The following CTNND2 variants were observed in gnomAD, a reference collection of about 807,000 sequenced individuals.
CTNND2 encodes the protein catenin delta 2, also known as catenin delta-2.
CTNND2 carries 22 observed loss-of-function variants against 144.4 expected under a neutral mutation model. That is an observed-to-expected ratio of 0.15 (90% CI 0.11 to 0.22). The LOEUF (loss-of-function observed/expected upper bound fraction) is 0.22, where lower values mean the gene tolerates loss of function less well. Ranked by LOEUF, CTNND2 falls within the 10% of genes least tolerant of loss-of-function variation. The pLI is 1.00. For synonymous variants in CTNND2, 751 were observed against 695.6 expected, an observed-to-expected ratio of 1.08 and a Z score of -1.25; for missense variants, 1,353 against 1,618.8, an observed-to-expected ratio of 0.84 and a Z score of 2.82.
intron 3 of CTNND2, among the ~76,000 whole-genome samples, chr5:11,437,631 G>A (rs1387518904): frequency 6.6e-6 from 1 of 152,072 alleles, no homozygotes; most frequent in East Asian, 1.9e-4. Context: ...GGGGTTGAAG[G>A]CAGACATGAG....
chr5:11,288,916 G>C (rs1748025181), intron 9 of CTNND2, among the ~76,000 whole-genome samples: 2 of 152,078 alleles, frequency 1.3e-5, no homozygotes, highest in Non-Finnish European at 2.9e-5. Context: ...CTTTAGGGGT[G>C]CCAAGGATGT....
chr5:11,731,776 G>T (rs1407374922), intron 2 of CTNND2, among the ~76,000 whole-genome samples: 2 of 151,832 alleles, frequency 1.3e-5, no homozygotes, highest in Non-Finnish European at 2.9e-5. Flanking sequence ...TAACCTCCCG[G>T]ATATATTTTA....
intron 16 of CTNND2, among the ~76,000 whole-genome samples, chr5:11,036,394 C>A (rs1396606225): frequency 6.6e-6 from 1 of 152,082 alleles, no homozygotes; most frequent in Non-Finnish European, 1.5e-5. Flanking sequence ...TTGCCTTCCA[C>A]AAATCTGCAC....
chr5:11,600,786 C>T (rs947474152), intron 2 of CTNND2, among the ~76,000 whole-genome samples: 3 of 149,860 alleles, frequency 2.0e-5, no homozygotes, highest in Non-Finnish European at 2.9e-5. Flanking sequence ...TCCCAGACAA[C>T]GATGTTAGTA....
chr5:11,830,706 C>T (rs577997392), intron 1 of CTNND2, among the ~76,000 whole-genome samples: 42 of 152,156 alleles, frequency 2.8e-4, no homozygotes, highest in Non-Finnish European at 5.4e-4. Context: ...CATTGAGAGG[C>T]GAGAGGAAGC....
chr5:11,820,196 G>A (rs1410527290), intron 1 of CTNND2, among the ~76,000 whole-genome samples: 1 of 152,186 alleles, frequency 6.6e-6, no homozygotes, highest in Non-Finnish European at 1.5e-5. Flanking sequence ...GTCTATGGGA[G>A]GCAAAAGAAT....
intron 2 of CTNND2, among the ~76,000 whole-genome samples, chr5:11,661,698 T>C (rs1417945152): frequency 6.6e-6 from 1 of 152,186 alleles, no homozygotes; most frequent in African/African-American, 2.4e-5. Flanking sequence ...GAAAAAGAAA[T>C]AAGCAATCAT....
rs915625361 is a variant in CTNND2, at chr5:11,461,196, A to C, written c.288-49127T>G. Reference sequence around the variant, plus strand: ...TAAACTGGTGAATCTTGAGCCTCTAAAAGTTTGTGGAACAAATGCCCTGAA... The same window carrying C: ...TAAACTGGTGAATCTTGAGCCTCTACAAGTTTGTGGAACAAATGCCCTGAA... On this transcript the variant is annotated intron_variant, in intron 3 of 21. Coordinates refer to ENST00000304623, the MANE Select transcript of CTNND2 (RefSeq NM_001332.4). 2.4e-4 allele frequency among the ~76,000 whole-genome samples: 36 copies of C among 152,026 alleles called. 1 individual carries two copies.
intron 9 of CTNND2, among the ~76,000 whole-genome samples, chr5:11,261,810 T>C (rs1399987717): frequency 6.6e-6 from 1 of 152,168 alleles, no homozygotes; most frequent in Non-Finnish European, 1.5e-5. Context: ...TATTTGTGAG[T>C]GAATGGGCCC....
chr5:11,495,412 A>G (rs58055852), intron 3 of CTNND2, among the ~76,000 whole-genome samples: 6 of 152,200 alleles, frequency 3.9e-5, no homozygotes, highest in Non-Finnish European at 7.3e-5. Flanking sequence ...TAACCTAAAA[A>G]CCAAAAACTT....
At chr5:11,510,555 A>G (rs1175010783) in intron 3 of CTNND2, among the ~76,000 whole-genome samples, 1 of 152,246 alleles carries the variant, frequency 6.6e-6, no homozygotes, top group African/African-American at 2.4e-5. Context: ...GACTCTCTAT[A>G]ATTACACATA....
intron 11 of CTNND2, among the ~76,000 whole-genome samples, chr5:11,171,375 T>G (rs1759888096): frequency 6.6e-6 from 1 of 152,196 alleles, no homozygotes; most frequent in Non-Finnish European, 1.5e-5. Context: ...AAGAGATTAT[T>G]TTTCATGGAA....
chr5:11,035,878 G>A (rs1167465338), intron 16 of CTNND2, among the ~76,000 whole-genome samples: 3 of 150,398 alleles, frequency 2.0e-5, no homozygotes, highest in African/African-American at 7.3e-5. Context: ...AATGAAAGGT[G>A]TCACAGTCTT....
intron 3 of CTNND2, among the ~76,000 whole-genome samples, chr5:11,449,973 T>C (rs1395079670): frequency 6.6e-6 from 1 of 152,238 alleles, no homozygotes; most frequent in African/African-American, 2.4e-5. Flanking sequence ...TCTGTTACAG[T>C]TTCATTCCAA....
At chr5:11,328,235 G>C (rs375486492) in intron 9 of CTNND2, among the ~76,000 whole-genome samples, 1 of 150,952 alleles carries the variant, frequency 6.6e-6, no homozygotes, top group South Asian at 2.1e-4. Flanking sequence ...ATTTAGAGCA[G>C]ATAAATGTAT....
intron 2 of CTNND2, among the ~76,000 whole-genome samples, chr5:11,627,009 G>A (rs1198162959): frequency 6.6e-6 from 1 of 152,128 alleles, no homozygotes; most frequent in Non-Finnish European, 1.5e-5. Context: ...GATAGATGAT[G>A]AATAAAATTT....
intron 3 of CTNND2, among the ~76,000 whole-genome samples, chr5:11,479,143 C>T (rs1387464638): frequency 1.3e-5 from 2 of 152,184 alleles, no homozygotes; most frequent in Non-Finnish European, 2.9e-5. Flanking sequence ...TCCTCTACCT[C>T]CTCCAACCCT....
intron 14 of CTNND2, among the ~76,000 whole-genome samples, chr5:11,107,909 G>A (rs1465136669): frequency 6.6e-6 from 1 of 152,160 alleles, no homozygotes; most frequent in African/African-American, 2.4e-5. Context: ...CACAGCAAGA[G>A]CTAGGGGCCA....
At chr5:11,598,634 T>C (rs1779637987) in intron 2 of CTNND2, among the ~76,000 whole-genome samples, 1 of 152,172 alleles carries the variant, frequency 6.6e-6, no homozygotes, top group Non-Finnish European at 1.5e-5. Flanking sequence ...GGAGGAAGTG[T>C]CTATTTCTTA....
Sources: allele counts gnomAD v4.1 joint callset (sites outside exome capture counted in the v4.1 genomes callset), GRCh38; gene constraint gnomAD v4.1.1; transcripts MANE v1.5; gene names NCBI Gene and HGNC (gene_info 2026-07-23, HGNC 2026-07-21).